The following DLGAP1 variants were observed in gnomAD, a reference collection of about 807,000 sequenced individuals.
DLGAP1 encodes DLG associated protein 1.
Under a neutral mutation model 90.8 loss-of-function variants are expected in DLGAP1, and 11 were observed. The ratio of observed to expected loss-of-function variants is 0.12; its 90% CI spans 0.08 to 0.20. DLGAP1 has a LOEUF of 0.20. Among genes scored for constraint, DLGAP1 ranks in the 10% least tolerant of loss-of-function variants. DLGAP1 has a pLI of 1.00. For synonymous variants in DLGAP1, 558 were observed against 540.7 expected (o/e 1.03, Z -0.44); for missense variants, 1,050 against 1,333.8 (o/e 0.79, Z 3.31).
intron 3 of DLGAP1, among the ~76,000 whole-genome samples, chr18:3,889,996 T>C (rs1457571883): frequency 6.6e-6 from 1 of 152,038 alleles, no homozygotes; most frequent in Non-Finnish European, 1.5e-5. Flanking sequence ...CAGGCCTGGC[T>C]CCCTGCCCAG....
chr18:3,630,204 T>C (rs774355831), intron 7 of DLGAP1, among the ~76,000 whole-genome samples: 13 of 152,166 alleles, frequency 8.5e-5, no homozygotes, highest in Non-Finnish European at 1.3e-4. Context: ...ATTCAATCAA[T>C]TGAAGACCGG....
chr18:3,774,198 T>G (rs2064831773), intron 5 of DLGAP1: 1 of 152,248 alleles, frequency 6.6e-6, no homozygotes, highest in Non-Finnish European at 1.5e-5. Context: ...TGAGATTTCC[T>G]GTTAAGGACT....
At chr18:3,601,958 G>A (rs919084959) in intron 7 of DLGAP1, among the ~76,000 whole-genome samples, 1 of 150,958 alleles carries the variant, frequency 6.6e-6, no homozygotes, top group Non-Finnish European at 1.5e-5. Flanking sequence ...GCAGTGAGTG[G>A]AGATCGGGCC....
intron 1 of DLGAP1, among the ~76,000 whole-genome samples, chr18:4,198,389 GCT>G (rs1490766507): frequency 1.3e-5 from 2 of 152,146 alleles, no homozygotes; most frequent in Non-Finnish European, 2.9e-5. Context: ...AAAGCAATGA[GCT>G]CTGTCCCCAA....
chr18:4,329,064 C>A (rs1047056632), intron 1 of DLGAP1, among the ~76,000 whole-genome samples: 1 of 149,636 alleles, frequency 6.7e-6, no homozygotes, highest in Non-Finnish European at 1.5e-5. Context: ...CCAACATTTT[C>A]TTTTATGACT....
intron 4 of DLGAP1, among the ~76,000 whole-genome samples, chr18:3,862,548 C>T (rs1319815012): frequency 2.0e-5 from 3 of 152,136 alleles, no homozygotes; most frequent in East Asian, 3.9e-4. Context: ...AGCCGACAGG[C>T]ACGTGGAGGG....
At chr18:3,596,302 G>T (rs1178750103) in intron 7 of DLGAP1, among the ~76,000 whole-genome samples, 1 of 152,034 alleles carries the variant, frequency 6.6e-6, no homozygotes, top group African/African-American at 2.4e-5. Flanking sequence ...TGGAATTACA[G>T]CCGCCCGCCA....
intron 1 of DLGAP1, among the ~76,000 whole-genome samples, chr18:4,350,690 C>A (rs1367326932): frequency 6.6e-6 from 1 of 152,144 alleles, no homozygotes; most frequent in East Asian, 1.9e-4. Flanking sequence ...AATAGAATTT[C>A]ATAACATACA....
chr18:3,516,846 G>A (rs951256891), intron 10 of DLGAP1, among the ~76,000 whole-genome samples: 2 of 152,196 alleles, frequency 1.3e-5, no homozygotes, highest in Non-Finnish European at 2.9e-5. Context: ...CACAACATAT[G>A]GGAATTATGG....
intron 4 of DLGAP1, among the ~76,000 whole-genome samples, chr18:3,830,890 T>C (rs550898243): frequency 3.3e-5 from 5 of 152,322 alleles, no homozygotes; most frequent in East Asian, 1.9e-4. Flanking sequence ...GAAAACAACA[T>C]ATTGTAAAGT....
chr18:3,538,269 G>A (rs991130881), intron 9 of DLGAP1, among the ~76,000 whole-genome samples: 4 of 151,344 alleles, frequency 2.6e-5, no homozygotes, highest in Non-Finnish European at 4.4e-5. Context: ...TCCATTTTAC[G>A]AAGATAAACT....
rs577210780 is a variant in DLGAP1 at position 4,215,453 on chromosome 18, C to T, written c.-266-64166G>A. Among the ~76,000 whole-genome samples the T allele has an allele frequency of 8.5e-5, 13 of 152,206 alleles. No individual in the cohort carries two copies. The South Asian group carries it at 1.2e-3, about 15-fold the overall frequency. On this transcript the variant is annotated intron_variant, in intron 1 of 12. Coordinates refer to ENST00000315677, the MANE Select transcript of DLGAP1 (RefSeq NM_004746.4). The stretch of plus-strand genomic sequence containing the variant: ...GACGAGCAGAGTCTCATTCTTTGAA[C>T]GGCGTATCTCATATGATCCAGGTTT...
intron 11 of DLGAP1, among the ~76,000 whole-genome samples, chr18:3,506,626 G>GTT (rs1309553165): frequency 7.5e-5 from 11 of 146,098 alleles, no homozygotes; most frequent in Admixed American, 2.7e-4. Flanking sequence ...TATGTACAAT[G>GTT]TTTACACTCT....
At chr18:4,234,951 C>T (rs188304132) in intron 1 of DLGAP1, among the ~76,000 whole-genome samples, 144 of 152,260 alleles carry the variant, frequency 9.5e-4, no homozygotes, top group Admixed American at 4.1e-3. Flanking sequence ...TCCTTCCTTC[C>T]TCCCCTCCCT....
chr18:4,028,184 G>A (rs1263305187), intron 2 of DLGAP1, among the ~76,000 whole-genome samples: 1 of 152,166 alleles, frequency 6.6e-6, no homozygotes, highest in Non-Finnish European at 1.5e-5. Flanking sequence ...CTGAGGCCTT[G>A]GGGATTTTAA....
At chr18:4,187,715 C>G (rs923031982) in intron 1 of DLGAP1, among the ~76,000 whole-genome samples, 3 of 151,958 alleles carry the variant, frequency 2.0e-5, no homozygotes, top group Admixed American at 1.3e-4. Context: ...ATTAAATTGT[C>G]AGCTGGGCGT....
chr18:4,269,479 G>A (rs868289885), intron 1 of DLGAP1, among the ~76,000 whole-genome samples: 32 of 151,134 alleles, frequency 2.1e-4, no homozygotes, highest in Admixed American at 4.6e-4. Flanking sequence ...TCAGCCTCCC[G>A]AGTAGCTGGG....
chr18:4,360,146 T>G (rs1000050008), intron 1 of DLGAP1, among the ~76,000 whole-genome samples: 3 of 152,154 alleles, frequency 2.0e-5, no homozygotes, highest in African/African-American at 7.2e-5. Context: ...ACCATGGAAT[T>G]ACTTAGAGGA....
chr18:4,368,732 AT>A (rs1245082732), intron 1 of DLGAP1, among the ~76,000 whole-genome samples: 2 of 150,826 alleles, frequency 1.3e-5, no homozygotes, highest in East Asian at 1.9e-4. Flanking sequence ...GTAGATTTAT[AT>A]TTTTTTCTAA....
Sources: allele counts gnomAD v4.1 joint callset (sites outside exome capture counted in the v4.1 genomes callset), GRCh38; gene constraint gnomAD v4.1.1; transcripts MANE v1.5; gene names NCBI Gene and HGNC (gene_info 2026-07-23, HGNC 2026-07-21).